Variants in MAP3K7 observed in about 807,000 individuals in gnomAD.
MAP3K7 encodes TGF-beta activated kinase 1.
A neutral mutation model predicts 84.8 loss-of-function variants in MAP3K7; 21 were observed. The ratio of observed to expected loss-of-function variants is 0.25; its 90% confidence interval spans 0.18 to 0.36. MAP3K7 has a LOEUF of 0.36. Ranked by LOEUF, MAP3K7 falls within the 10% of genes least tolerant of loss-of-function variation. MAP3K7 has a pLI of 1.00. For missense variants in MAP3K7, 503 were observed against 747.7 expected, an observed-to-expected ratio of 0.67 and a Z score of 3.82; for synonymous variants, 241 against 247.7, an observed-to-expected ratio of 0.97 and a Z score of 0.25.
intron 14 of MAP3K7, 43 bp downstream of exon 14, chr6:90,523,635 T>A (rs370100496): frequency 7.8e-7 from 1 of 1,283,890 alleles, no homozygotes; most frequent in African/African-American, 1.5e-5. Context: ...AATATAAACA[T>A]GACTGATTCA....
intron 6 of MAP3K7, among the ~76,000 whole-genome samples, chr6:90,555,544 C>T (rs1179712783): frequency 2.6e-5 from 4 of 152,248 alleles, no homozygotes; most frequent in East Asian, 1.9e-4. Context: ...CCTGAGCCAC[C>T]GCGCCCAGCT....
At chr6:90,529,136 C>CA (rs1481624254) in intron 13 of MAP3K7, among the ~76,000 whole-genome samples, 1 of 152,126 alleles carries the variant, frequency 6.6e-6, no homozygotes, top group Non-Finnish European at 1.5e-5. Flanking sequence ...GTTACTGAAT[C>CA]AATTCTGAAA....
At chr6:90,566,631 T>C (rs1264890730) in intron 3 of MAP3K7, among the ~76,000 whole-genome samples, 1 of 152,028 alleles carries the variant, frequency 6.6e-6, no homozygotes, top group Admixed American at 6.6e-5. Flanking sequence ...AAAATGGTCA[T>C]ACTGCCCAAG....
intron 13 of MAP3K7, among the ~76,000 whole-genome samples, chr6:90,532,006 T>C (rs1257907090): frequency 1.3e-5 from 2 of 150,542 alleles, no homozygotes; most frequent in Non-Finnish European, 3.0e-5. Flanking sequence ...TAGAAAGGTA[T>C]ACTATGAAGA....
intron 1 of MAP3K7, among the ~76,000 whole-genome samples, chr6:90,575,821 ATGAACTTC>A (rs1777056662): frequency 6.6e-6 from 1 of 152,118 alleles, no homozygotes; most frequent in Non-Finnish European, 1.5e-5. Flanking sequence ...TGAAAGAATA[ATGAACTTC>A]GTTTGTTTAC....
chr6:90,522,005 T>C (rs1775167265), intron 14 of MAP3K7, among the ~76,000 whole-genome samples: 1 of 152,198 alleles, frequency 6.6e-6, no homozygotes, highest in Admixed American at 6.6e-5. Context: ...TGTTCCCTAA[T>C]TTATTCTATT....
chr6:90,562,355 A>T (rs892517108), intron 3 of MAP3K7, among the ~76,000 whole-genome samples: 2 of 150,734 alleles, frequency 1.3e-5, no homozygotes, highest in Non-Finnish European at 2.9e-5. Flanking sequence ...GGTACCTGGA[A>T]AATTGGAACA....
chr6:90,579,376 C>T (rs3823241), intron 1 of MAP3K7, among the ~76,000 whole-genome samples: 31,800 of 152,026 alleles, frequency 0.21, 3,981 homozygotes, highest in Non-Finnish European at 0.29. Flanking sequence ...TCTATTTTAG[C>T]CTCCTTCACT....
At chr6:90,586,400 A>G (rs1777455893) in intron 1 of MAP3K7, among the ~76,000 whole-genome samples, 1 of 136,644 alleles carries the variant, frequency 7.3e-6, no homozygotes, top group South Asian at 2.4e-4. Context: ...AAAAAAAAAA[A>G]GAACATTACG....
At chr6:90,583,716 T>C (rs1376186786) in intron 1 of MAP3K7, among the ~76,000 whole-genome samples, 1 of 152,210 alleles carries the variant, frequency 6.6e-6, no homozygotes, top group Admixed American at 6.5e-5. Context: ...AAAAATATAT[T>C]ATGGCAGAAT....
chr6:90,521,913 A>T (rs1775164474), intron 14 of MAP3K7, among the ~76,000 whole-genome samples: 1 of 152,140 alleles, frequency 6.6e-6, no homozygotes, highest in Admixed American at 6.5e-5. Context: ...AAAAAAATTT[A>T]ATTAGGTCAC....
chr6:90,560,911 T>C (rs369191924), intron 4 of MAP3K7, among the ~76,000 whole-genome samples: 3 of 152,266 alleles, frequency 2.0e-5, no homozygotes. Context: ...AAACAATGTA[T>C]ATCAAGATGT....
chr6:90,533,761 T>C (rs1236760076), intron 13 of MAP3K7, among the ~76,000 whole-genome samples: 2 of 152,230 alleles, frequency 1.3e-5, no homozygotes, highest in Non-Finnish European at 2.9e-5. Flanking sequence ...TAACATGCTC[T>C]AGCTGTGACA....
intron 2 of MAP3K7, among the ~76,000 whole-genome samples, chr6:90,570,253 A>G (rs932049390): frequency 6.6e-6 from 1 of 152,224 alleles, no homozygotes; most frequent in African/African-American, 2.4e-5. Flanking sequence ...GCAAATGACT[A>G]GCAATAACTG....
chr6:90,575,186 T>G (rs1369306255), intron 1 of MAP3K7, among the ~76,000 whole-genome samples: 1 of 152,086 alleles, frequency 6.6e-6, no homozygotes, highest in Non-Finnish European at 1.5e-5. Context: ...AGAAAAAATA[T>G]ATATAAAGAA....
chr6:90,562,591 G>A (rs1017328224), intron 3 of MAP3K7, among the ~76,000 whole-genome samples: 1 of 152,206 alleles, frequency 6.6e-6, no homozygotes, highest in Non-Finnish European at 1.5e-5. Context: ...CGAACTGGGT[G>A]GAGCCCACCA....
At chr6:90,586,491 T>C (rs1777459589) in intron 1 of MAP3K7, among the ~76,000 whole-genome samples, 1 of 151,454 alleles carries the variant, frequency 6.6e-6, no homozygotes, top group Non-Finnish European at 1.5e-5. Flanking sequence ...TGGACCACAC[T>C]ATCTCACCAG....
chr6:90,557,770 T>C (rs1190150659), intron 5 of MAP3K7, among the ~76,000 whole-genome samples: 1 of 152,210 alleles, frequency 6.6e-6, no homozygotes, highest in African/African-American at 2.4e-5. Flanking sequence ...TTCACCAGCC[T>C]TGAACAGGAA....
chr6:90,568,204 A>C (rs1776776494), intron 3 of MAP3K7, among the ~76,000 whole-genome samples: 1 of 152,232 alleles, frequency 6.6e-6, no homozygotes, highest in African/African-American at 2.4e-5. Context: ...CCTAGAACTT[A>C]AAGTATAATA....
Sources: gnomAD v4.1 joint callset for allele counts (sites outside exome capture counted in the v4.1 genomes callset) on GRCh38, gnomAD v4.1.1 for gene constraint, MANE v1.5 for transcripts, NCBI Gene and HGNC (gene_info 2026-07-23, HGNC 2026-07-21) for gene names.